GPC6: variants seen among roughly 807,000 people sequenced by gnomAD.
GPC6 encodes glypican-6.
A neutral mutation model predicts 55.2 loss-of-function variants in GPC6; 14 were observed. The observed-to-expected ratio is 0.25, with a 90% CI of 0.17 to 0.40. GPC6 has a LOEUF of 0.40. GPC6 is among the 10% of genes least tolerant of loss of function. The probability of loss-of-function intolerance (pLI) is 1.00; values close to 1 mark genes in which losing one functional copy is unlikely to be tolerated. For synonymous variants in GPC6, 278 were observed against 259.6 expected (o/e 1.07, Z -0.68); for missense variants, 641 against 708.5 (o/e 0.90, Z 1.08).
intron 3 of GPC6, among the ~76,000 whole-genome samples, chr13:93,934,158 T>C (rs1362800591): frequency 1.3e-5 from 2 of 152,194 alleles, no homozygotes; most frequent in African/African-American, 2.4e-5. Context: ...TTAGAAAATA[T>C]ACATACAAGG....
rs1887901658 is a variant in GPC6, at chr13:94,155,522, A to G, written c.877+127628A>G. Among the ~76,000 whole-genome samples the G allele has an allele frequency of 3.9e-5, 6 of 152,150 alleles. No individual in the cohort carries two copies. The South Asian group carries it at 1.2e-3, about 32-fold the overall frequency. ...CGAAAAAAGCCTAAAACTAATCTTC[A>G]TATTTTATCAAATGTAGATCCCCAA... is the stretch of plus-strand genomic sequence containing the variant. On this transcript the variant is annotated intron_variant, in intron 4 of 8. Coordinates refer to ENST00000377047, the MANE Select transcript of GPC6 (RefSeq NM_005708.5).
chr13:94,122,751 C>G (rs1306021029), intron 4 of GPC6, among the ~76,000 whole-genome samples: 1 of 152,066 alleles, frequency 6.6e-6, no homozygotes, highest in Non-Finnish European at 1.5e-5. Context: ...AAAATCTCTC[C>G]AACTTCCTCA....
chr13:93,761,715 G>A (rs1202148737), intron 2 of GPC6, among the ~76,000 whole-genome samples: 1 of 152,004 alleles, frequency 6.6e-6, no homozygotes, highest in Non-Finnish European at 1.5e-5. Context: ...TTGCTATGTT[G>A]CACAGGCTGC....
chr13:94,151,286 T>A (rs1009587026), intron 4 of GPC6, among the ~76,000 whole-genome samples: 46 of 152,176 alleles, frequency 3.0e-4, no homozygotes, highest in African/African-American at 1.1e-3. Flanking sequence ...AAAGCTGAAA[T>A]AATTGGATGA....
chr13:94,380,250 C>T (rs1458504683), intron 6 of GPC6, among the ~76,000 whole-genome samples: 1 of 152,084 alleles, frequency 6.6e-6, no homozygotes, highest in Non-Finnish European at 1.5e-5. Context: ...TCCTAAAGGT[C>T]GTGGTCATTT....
chr13:94,322,474 T>G (rs372679594), intron 6 of GPC6, among the ~76,000 whole-genome samples: 1 of 152,160 alleles, frequency 6.6e-6, no homozygotes, highest in South Asian at 2.1e-4. Context: ...AGAATACCTT[T>G]CATGGGCAGT....
chr13:93,566,382 C>T (rs755060289), intron 2 of GPC6, among the ~76,000 whole-genome samples: 1 of 152,178 alleles, frequency 6.6e-6, no homozygotes, highest in Non-Finnish European at 1.5e-5. Flanking sequence ...AAATTTCACT[C>T]TATTAAATAT....
At chr13:94,173,493 A>G (rs1227192872) in intron 4 of GPC6, among the ~76,000 whole-genome samples, 1 of 152,150 alleles carries the variant, frequency 6.6e-6, no homozygotes, top group Non-Finnish European at 1.5e-5. Flanking sequence ...TTCAAACCCT[A>G]AAATATTTGA....
At chr13:94,044,747 C>G (rs1020451170) in intron 4 of GPC6, among the ~76,000 whole-genome samples, 1 of 151,798 alleles carries the variant, frequency 6.6e-6, no homozygotes, top group African/African-American at 2.4e-5. Context: ...CCACCAGCTA[C>G]TTATAAGAAT....
At chr13:94,278,045 A>T (rs1892264959) in intron 4 of GPC6, among the ~76,000 whole-genome samples, 4 of 152,164 alleles carry the variant, frequency 2.6e-5, no homozygotes, top group Admixed American at 2.6e-4. Context: ...CATTTTCATG[A>T]TATTGGTTCT....
rs1881311470 is a variant in GPC6, at chr13:94,405,044, G to C, written c.*1827G>C. ...ACACGTAAATGGTATTTTTCAATCT[G>C]TTCTCATCAAAATTAAAATTAGTTA... is the stretch of plus-strand genomic sequence containing the variant. On this transcript the variant is annotated 3_prime_UTR_variant, in exon 9 of 9. Transcript: ENST00000377047. 1 of 152,112 alleles carries C rather than the reference G, an allele frequency of 6.6e-6. No individual in the cohort carries two copies. Among genetic ancestry groups the C allele is most frequent in the Non-Finnish European group, 1.5e-5 (1 of 68,012 alleles). The allele number at this position is 152,112 out of a possible 1,614,324, so 9.4% of individuals were successfully genotyped here.
rs890787924 is a variant in GPC6, at chr13:93,547,734, A to C, written c.319+2313A>C. Among the ~76,000 whole-genome samples, 24 of 152,248 alleles carry C rather than the reference A, an allele frequency of 1.6e-4. 1 individual carries two copies. The East Asian group carries it at 4.6e-3, about 29-fold the overall frequency. Reference sequence around the variant, plus strand: ...TTTCAGCCAGAGTGGGAAAAAAAAAAAGAGAATCTAAATGTGATTCTAATA... The same window carrying C: ...TTTCAGCCAGAGTGGGAAAAAAAAACAGAGAATCTAAATGTGATTCTAATA... On this transcript the variant is annotated intron_variant, in intron 2 of 8. Coordinates refer to ENST00000377047, the MANE Select transcript of GPC6 (RefSeq NM_005708.5).
chr13:93,790,159 A>T (rs1303970635), intron 2 of GPC6, among the ~76,000 whole-genome samples: 1 of 152,146 alleles, frequency 6.6e-6, no homozygotes, highest in East Asian at 1.9e-4. Context: ...TAGAGATGAC[A>T]GTTAATAGTA....
At chr13:94,064,314 T>C (rs1444926315) in intron 4 of GPC6, among the ~76,000 whole-genome samples, 1 of 152,236 alleles carries the variant, frequency 6.6e-6, no homozygotes, top group East Asian at 1.9e-4. Context: ...ATGAGCTTTT[T>C]CTTCTCATTT....
In GPC6 at chr13:93,632,530, G is replaced by C. The variant is rs1879492130; in HGVS notation, c.319+87109G>C. Among the ~76,000 whole-genome samples, 4 of 92,460 alleles carry C rather than the reference G, an allele frequency of 4.3e-5. No individual in the cohort carries two copies. In the Admixed American group the frequency reaches 4.4e-4, roughly 10 times the overall value. The allele number at this position is 92,460 out of a possible 152,430, so 60.7% of individuals were successfully genotyped here. Reference sequence around the variant, plus strand: ...AGGCTGAGGTGGGAGGATCACCTGAGCCTGGGTATGTTGAGACCACTGCAC... The same window carrying C: ...AGGCTGAGGTGGGAGGATCACCTGACCCTGGGTATGTTGAGACCACTGCAC... On this transcript the variant is annotated intron_variant, in intron 2 of 8. Transcript: ENST00000377047.
chr13:93,701,305 C>T (rs917145129), intron 2 of GPC6, among the ~76,000 whole-genome samples: 2 of 152,038 alleles, frequency 1.3e-5, no homozygotes, highest in Non-Finnish European at 2.9e-5. Flanking sequence ...ACAATAATGT[C>T]ACACAACATC....
In GPC6 at chr13:93,814,391, G is replaced by T. The variant is rs187298635; in HGVS notation, c.320-15763G>T. On this transcript the variant is annotated intron_variant, in intron 2 of 8. Coordinates refer to ENST00000377047, the MANE Select transcript of GPC6 (RefSeq NM_005708.5). ...TAATCTTTTGAAATTTATATTTAAG[G>T]ATCACAATACCAGCAGTTATGCTAA... 4.3e-3 allele frequency among the ~76,000 whole-genome samples: 661 copies of T among 152,056 alleles called. 2 individuals carry two copies. Among genetic ancestry groups the T allele is most frequent in the African/African-American group, 0.015 (635 of 41,488 alleles).
intron 3 of GPC6, among the ~76,000 whole-genome samples, chr13:93,939,548 G>GTT (rs548917362): frequency 1.3e-5 from 2 of 151,362 alleles, no homozygotes; most frequent in South Asian, 4.2e-4. Flanking sequence ...TTAGAGTTAC[G>GTT]TTTTTTTTCA....
intron 1 of GPC6, among the ~76,000 whole-genome samples, chr13:93,511,959 C>A (rs1900047): frequency 0.27 from 41,441 of 151,698 alleles, 5,814 homozygotes; most frequent in South Asian, 0.32. Flanking sequence ...AATGGGATTG[C>A]CTGCTTGATT....
Sources: allele counts gnomAD v4.1 joint callset (sites outside exome capture counted in the v4.1 genomes callset), GRCh38; gene constraint gnomAD v4.1.1; transcripts MANE v1.5; gene names NCBI Gene and HGNC (gene_info 2026-07-23, HGNC 2026-07-21).